TANC1: variants seen among roughly 807,000 people sequenced by gnomAD.
TANC1 encodes protein TANC1.
In TANC1, 77 loss-of-function variants were observed where a neutral mutation model predicts 149.7. That is an observed-to-expected ratio of 0.51 (90% confidence interval 0.43 to 0.62). The LOEUF is 0.62. Among genes scored for constraint, TANC1 ranks in the 20% least tolerant of loss-of-function variants. TANC1 has a pLI of 0.00. For synonymous variants in TANC1, 854 were observed against 925.0 expected (o/e 0.92, Z 1.39); for missense variants, 1,985 against 2,321.8 (o/e 0.85, Z 2.98).
At chr2:159,100,559 TTCTC>T (rs776271868) in intron 4 of TANC1, among the ~76,000 whole-genome samples, 2 of 152,242 alleles carry the variant, frequency 1.3e-5, no homozygotes, top group Non-Finnish European at 2.9e-5. Context: ...ATTTGGGATG[TTCTC>T]TCTATTAGAT....
rs191513433 is a variant in TANC1 at position 159,170,793 on chromosome 2, T to G, written c.1339T>G (p.Ser447Ala). Residue 447 changes from serine (S) to alanine (A), a missense_variant, in exon 10 of 27, where the codon TCA (serine) becomes GCA (alanine). By Grantham distance (99) the Ser-to-Ala change is moderately conservative. Around this residue, in one of 3 missense-constraint regions of TANC1, gnomAD observed 557 missense variants for 612.9 expected, o/e 0.91. Coordinates refer to ENST00000263635, the MANE Select transcript of TANC1 (RefSeq NM_033394.3). The part of the protein sequence containing the change: ...MRQIASNSPG[S>A]SPKTSDPTQD... Reference sequence around the variant, plus strand: ...GCAGATTGCTTCCAACAGCCCGGGTTCATCACCTAAAAGTACGTGCATGTT... The same window carrying G: ...GCAGATTGCTTCCAACAGCCCGGGTGCATCACCTAAAAGTACGTGCATGTT... The G allele has an allele frequency of 4.5e-4, 733 of 1,613,852 alleles. No homozygotes were observed. The highest frequency in any genetic ancestry group is 6.2e-4 in the Admixed American group (37 of 60,026).
chr2:159,194,516 G>C, intron 17 of TANC1, 23 bp downstream of exon 17: 1 of 1,593,342 alleles, frequency 6.3e-7, no homozygotes, highest in Non-Finnish European at 8.6e-7. Context: ...CTGCTCTTTT[G>C]GGGCTGGGGC....
rs772440275 is a variant in TANC1 at position 159,149,255 on chromosome 2, G to A, written c.478G>A (p.Asp160Asn). The change falls in exon 6 of 27, where the codon GAC becomes AAC. Residue 160 changes from aspartate (D) to asparagine (N), a missense_variant. This residue lies in a region of TANC1 where 557 missense variants were observed against 612.9 expected (regional missense o/e 0.91). Coordinates refer to ENST00000263635, the MANE Select transcript of TANC1 (RefSeq NM_033394.3). ...AAGTGCCACACACATAACCATTGAA[G>A]ACAAAAATGAAACCATGGTAATGCC... ...IPSATHITIE[D>N]KNETMCTALS... is the part of the protein sequence containing the mutation. 25 of 1,614,154 alleles carry A rather than the reference G, an allele frequency of 1.5e-5. No individual in the cohort carries two copies. Among genetic ancestry groups the A allele is most frequent in the Non-Finnish European group, 2.1e-5 (25 of 1,180,018 alleles).
intron 2 of TANC1, among the ~76,000 whole-genome samples, chr2:159,042,499 G>C (rs1455281874): frequency 6.6e-6 from 1 of 152,086 alleles, no homozygotes; most frequent in East Asian, 1.9e-4. Context: ...TGGAGCATCT[G>C]CTTCTGCTTG....
intron 7 of TANC1, among the ~76,000 whole-genome samples, chr2:159,160,992 G>A (rs564103578): frequency 6.7e-6 from 1 of 149,950 alleles, no homozygotes; most frequent in Non-Finnish European, 1.5e-5. Context: ...CCCCCTCCAC[G>A]AGATGCTGGG....
intron 4 of TANC1, among the ~76,000 whole-genome samples, chr2:159,124,326 G>A (rs1030621294): frequency 5.9e-5 from 9 of 152,034 alleles, no homozygotes; most frequent in African/African-American, 2.2e-4. Flanking sequence ...CCTGGGCGAC[G>A]GAACGAGATT....
intron 5 of TANC1, among the ~76,000 whole-genome samples, chr2:159,146,899 T>C (rs546035915): frequency 2.6e-5 from 4 of 151,882 alleles, no homozygotes; most frequent in Non-Finnish European, 5.9e-5. Context: ...CCCCAACTTA[T>C]CTGAAATGGG....
chr2:159,089,575 C>T (rs948090018), intron 3 of TANC1, among the ~76,000 whole-genome samples: 1 of 152,202 alleles, frequency 6.6e-6, no homozygotes, highest in Non-Finnish European at 1.5e-5. Flanking sequence ...CCTCTTTCCT[C>T]CCTGGCAGAC....
At chr2:159,228,022 C>A in intron 25 of TANC1, 57 bp downstream of exon 25, 1 of 1,572,706 alleles carries the variant, frequency 6.4e-7, no homozygotes, top group Non-Finnish European at 8.6e-7. Context: ...CCTTCTCCAG[C>A]AGTGAAGGCC....
At chr2:158,972,660 TATTCTC>T (rs1424218094) in intron 1 of TANC1, among the ~76,000 whole-genome samples, 1 of 152,206 alleles carries the variant, frequency 6.6e-6, no homozygotes. Flanking sequence ...TTTTTAAACT[TATTCTC>T]AGAGGAATGT....
intron 3 of TANC1, among the ~76,000 whole-genome samples, chr2:159,069,781 T>G (rs2042985166): frequency 6.6e-6 from 1 of 150,774 alleles, no homozygotes; most frequent in Non-Finnish European, 1.5e-5. Context: ...TTTTTTTTTT[T>G]TTTTTGAGAC....
At chr2:159,006,753 T>C (rs2037219514) in intron 2 of TANC1, among the ~76,000 whole-genome samples, 1 of 152,218 alleles carries the variant, frequency 6.6e-6, no homozygotes, top group South Asian at 2.1e-4. Flanking sequence ...TGGAGTTATA[T>C]GTAGATGAGA....
rs2057881956 is a variant in TANC1 at position 159,196,731 on chromosome 2, C to G, written c.3103C>G (p.Leu1035Val). 1 of 1,613,910 alleles carries G rather than the reference C, an allele frequency of 6.2e-7. No homozygotes were observed. Among genetic ancestry groups the G allele is most frequent in the East Asian group, 2.2e-5 (1 of 44,882 alleles). The change falls in exon 18 of 27, where the codon CTG becomes GTG. Residue 1035 changes from leucine (L) to valine (V), a missense_variant. Around this residue, in one of 3 missense-constraint regions of TANC1, gnomAD observed 508 missense variants for 714.2 expected, o/e 0.71. Coordinates refer to ENST00000263635, the MANE Select transcript of TANC1 (RefSeq NM_033394.3). ...WSPGPPQPGT[L>V]RKSHALQQAL... is the part of the protein sequence containing the mutation. Reference sequence around the variant, plus strand: ...GCCGGGTCCTCCCCAGCCAGGCACCCTGAGGAAGAGCCACGCCCTGCAGCA... The same window carrying G: ...GCCGGGTCCTCCCCAGCCAGGCACCGTGAGGAAGAGCCACGCCCTGCAGCA...
At chr2:158,976,848 T>C (rs1461647208) in intron 1 of TANC1, among the ~76,000 whole-genome samples, 1 of 152,092 alleles carries the variant, frequency 6.6e-6, no homozygotes, top group African/African-American at 2.4e-5. Flanking sequence ...GCCACTGAAC[T>C]CTAGCCTCGG....
intron 5 of TANC1, among the ~76,000 whole-genome samples, chr2:159,139,026 G>A (rs868756973): frequency 6.6e-6 from 1 of 152,136 alleles, no homozygotes; most frequent in Non-Finnish European, 1.5e-5. Context: ...GTGTGGGTTC[G>A]ATGATGTAAG....
At chr2:159,225,620 C>A in intron 23 of TANC1, 68 bp from the exon 24 acceptor site, 1 of 1,281,118 alleles carries the variant, frequency 7.8e-7, no homozygotes, top group South Asian at 1.2e-5. Flanking sequence ...AGCCGTGGGG[C>A]CACGGAGGAA....
At chr2:159,071,268 A>G (rs1341669456) in intron 3 of TANC1, among the ~76,000 whole-genome samples, 1 of 152,230 alleles carries the variant, frequency 6.6e-6, no homozygotes, top group Non-Finnish European at 1.5e-5. Flanking sequence ...ATATAGACTG[A>G]TTAAGGAATA....
intron 19 of TANC1, among the ~76,000 whole-genome samples, chr2:159,209,961 G>C (rs2058872232): frequency 6.6e-6 from 1 of 152,090 alleles, no homozygotes; most frequent in African/African-American, 2.4e-5. Context: ...ATATGGGAGA[G>C]GCCAGGATAA....
chr2:159,215,512 C>G (rs1020710255), intron 19 of TANC1, among the ~76,000 whole-genome samples: 2 of 152,172 alleles, frequency 1.3e-5, no homozygotes, highest in Non-Finnish European at 2.9e-5. Context: ...TTGTAGGCAC[C>G]AGAGGAAGCA....
Sources: gnomAD v4.1 joint callset for allele counts (sites outside exome capture counted in the v4.1 genomes callset) on GRCh38, gnomAD v4.1.1 for gene constraint, gnomAD v4.1.1 regional missense constraint, MANE v1.5 for transcripts, NCBI Gene and HGNC (gene_info 2026-07-23, HGNC 2026-07-21) for gene names.